The following SGMS1 variants were observed in gnomAD, a reference collection of about 807,000 sequenced individuals.
SGMS1 encodes the protein sphingomyelin synthase 1, also known as phosphatidylcholine:ceramide cholinephosphotransferase 1.
Under a neutral mutation model 46.2 loss-of-function variants are expected in SGMS1, and 13 were observed. That is an observed-to-expected ratio of 0.28 (90% CI 0.18 to 0.45). The LOEUF is 0.45. Ranked by LOEUF, SGMS1 falls within the 20% of genes least tolerant of loss-of-function variation. The pLI is 1.00. For synonymous variants in SGMS1, 203 were observed against 187.8 expected (o/e 1.08, Z -0.66); for missense variants, 324 against 519.9 (o/e 0.62, Z 3.66).
intron 6 of SGMS1, among the ~76,000 whole-genome samples, chr10:50,386,761 T>G (rs899604091): frequency 2.0e-5 from 3 of 152,124 alleles, no homozygotes; most frequent in African/African-American, 7.2e-5. Flanking sequence ...AGCACACCCC[T>G]GCCCCACCTG....
chr10:50,557,566 T>C (rs1838198581), intron 2 of SGMS1, among the ~76,000 whole-genome samples: 1 of 151,838 alleles, frequency 6.6e-6, no homozygotes, highest in Non-Finnish European at 1.5e-5. Flanking sequence ...ACGAAAAGAC[T>C]TTTAAAAGGA....
chr10:50,496,063 G>T (rs1046910908), intron 3 of SGMS1, among the ~76,000 whole-genome samples: 1 of 152,080 alleles, frequency 6.6e-6, no homozygotes, highest in African/African-American at 2.4e-5. Context: ...ACTGAATCCA[G>T]TGTGTTACAT....
chr10:50,511,123 T>C (rs985759501), intron 3 of SGMS1, among the ~76,000 whole-genome samples: 6 of 152,132 alleles, frequency 3.9e-5, no homozygotes, highest in African/African-American at 1.2e-4. Context: ...GTTTGTCCTG[T>C]TCACTCTTTG....
chr10:50,564,792 GTT>G (rs142564765), intron 2 of SGMS1, among the ~76,000 whole-genome samples: 69 of 151,024 alleles, frequency 4.6e-4, no homozygotes, highest in Middle Eastern at 3.4e-3. Context: ...TATTTTTTAA[GTT>G]TTTTTTTCTT....
intron 6 of SGMS1, among the ~76,000 whole-genome samples, chr10:50,377,334 T>C (rs1297368676): frequency 6.6e-6 from 1 of 152,154 alleles, no homozygotes; most frequent in Admixed American, 6.5e-5. Flanking sequence ...CACCCATTAA[T>C]CTATTAATTA....
intron 6 of SGMS1, among the ~76,000 whole-genome samples, chr10:50,385,974 T>C (rs950832150): frequency 3.3e-5 from 5 of 152,118 alleles, no homozygotes; most frequent in African/African-American, 4.8e-5. Context: ...TGGGGCTTTT[T>C]AGGCTATGAC....
intron 6 of SGMS1, among the ~76,000 whole-genome samples, chr10:50,349,894 T>C (rs1202483888): frequency 1.3e-5 from 2 of 152,108 alleles, no homozygotes; most frequent in Non-Finnish European, 2.9e-5. Context: ...ACTAATACAG[T>C]ACATTGGTAC....
intron 6 of SGMS1, among the ~76,000 whole-genome samples, chr10:50,423,714 G>A (rs963599724): frequency 2.6e-5 from 4 of 151,880 alleles, no homozygotes; most frequent in Admixed American, 1.3e-4. Flanking sequence ...TGTCTCTAGC[G>A]TAGAGGCCAG....
At chr10:50,362,404 A>G (rs1848264754) in intron 6 of SGMS1, among the ~76,000 whole-genome samples, 1 of 152,170 alleles carries the variant, frequency 6.6e-6, no homozygotes, top group Non-Finnish European at 1.5e-5. Flanking sequence ...TGAAACTTAG[A>G]CCTTGAATAA....
intron 2 of SGMS1, among the ~76,000 whole-genome samples, chr10:50,555,087 T>G (rs1838179583): frequency 6.6e-6 from 1 of 152,190 alleles, no homozygotes; most frequent in Non-Finnish European, 1.5e-5. Flanking sequence ...ACCAGCATCA[T>G]GCCCTCATCT....
At chr10:50,555,345 C>T (rs534883481) in intron 2 of SGMS1, among the ~76,000 whole-genome samples, 5 of 152,310 alleles carry the variant, frequency 3.3e-5, no homozygotes, top group African/African-American at 1.2e-4. Flanking sequence ...TTCCAAAATA[C>T]ATCTGGATTG....
intron 8 of SGMS1, among the ~76,000 whole-genome samples, chr10:50,324,274 CTT>C (rs1441567431): frequency 6.6e-6 from 1 of 152,186 alleles, no homozygotes; most frequent in Non-Finnish European, 1.5e-5. Flanking sequence ...GTAAGACTGT[CTT>C]AACCTTAACT....
At chr10:50,545,813 G>C (rs1838096320) in intron 2 of SGMS1, among the ~76,000 whole-genome samples, 1 of 152,128 alleles carries the variant, frequency 6.6e-6, no homozygotes. Context: ...ACTGTTCATG[G>C]TGGATTTTTC....
intron 6 of SGMS1, among the ~76,000 whole-genome samples, chr10:50,413,945 AATAAAT>A (rs1376869397): frequency 6.6e-6 from 1 of 152,254 alleles, no homozygotes; most frequent in African/African-American, 2.4e-5. Flanking sequence ...GGTAATAGTA[AATAAAT>A]ATAAAGTATC....
At chr10:50,402,280 A>T (rs1006344407) in intron 6 of SGMS1, among the ~76,000 whole-genome samples, 1 of 152,252 alleles carries the variant, frequency 6.6e-6, no homozygotes, top group African/African-American at 2.4e-5. Flanking sequence ...CAGTAACAGA[A>T]GTCAAAGCTT....
At chr10:50,573,268 C>A (rs1373371034) in intron 2 of SGMS1, among the ~76,000 whole-genome samples, 1 of 152,078 alleles carries the variant, frequency 6.6e-6, no homozygotes, top group African/African-American at 2.4e-5. Context: ...TAAAAGGTAT[C>A]CAATGTAAAA....
chr10:50,494,402 G>C (rs1056810992), intron 3 of SGMS1, among the ~76,000 whole-genome samples: 1 of 152,194 alleles, frequency 6.6e-6, no homozygotes, highest in African/African-American at 2.4e-5. Context: ...TGGTAGACTG[G>C]ATAAAGGAAA....
At chr10:50,606,911 A>G (rs1838702340) in intron 1 of SGMS1, among the ~76,000 whole-genome samples, 1 of 152,154 alleles carries the variant, frequency 6.6e-6, no homozygotes, top group African/African-American at 2.4e-5. Flanking sequence ...TTTGTCACGT[A>G]CTTACCAAAG....
intron 3 of SGMS1, among the ~76,000 whole-genome samples, chr10:50,491,029 T>C (rs534284226): frequency 6.6e-6 from 1 of 152,240 alleles, no homozygotes; most frequent in South Asian, 2.1e-4. Context: ...AAAACAAATC[T>C]GTAAACTGCT....
Sources: gnomAD v4.1 joint callset for allele counts (sites outside exome capture counted in the v4.1 genomes callset) on GRCh38, gnomAD v4.1.1 for gene constraint, MANE v1.5 for transcripts, NCBI Gene and HGNC (gene_info 2026-07-23, HGNC 2026-07-21) for gene names.